ATP2B2: variants seen among roughly 807,000 people sequenced by gnomAD.
The protein encoded by ATP2B2 is plasma membrane calcium-transporting ATPase 2.
Under a neutral mutation model 120.0 loss-of-function variants are expected in ATP2B2, and 15 were observed. The observed-to-expected ratio is 0.12, with a 90% CI of 0.08 to 0.19. The LOEUF is 0.19. Ranked by LOEUF, ATP2B2 falls within the 10% of genes least tolerant of loss-of-function variation. The pLI, the probability that ATP2B2 is intolerant of heterozygous loss-of-function variation, is 1.00. For synonymous variants in ATP2B2, 694 were observed against 700.3 expected (o/e 0.99, Z 0.14); for missense variants, 1,045 against 1,719.8 (o/e 0.61, Z 6.94).
chr3:10,561,588 A>G (rs1466275342), intron 2 of ATP2B2, among the ~76,000 whole-genome samples: 1 of 152,200 alleles, frequency 6.6e-6, no homozygotes, highest in Non-Finnish European at 1.5e-5. Flanking sequence ...CTTGAATTGT[A>G]GCTCCCATAA....
chr3:10,427,531 G>GTCAT (rs1420836104), intron 2 of ATP2B2, among the ~76,000 whole-genome samples: 1 of 152,090 alleles, frequency 6.6e-6, no homozygotes, highest in Non-Finnish European at 1.5e-5. Context: ...CCTAACCTTG[G>GTCAT]TCATTCATTC....
chr3:10,664,673 T>G (rs1048066858), intron 1 of ATP2B2, among the ~76,000 whole-genome samples: 3 of 152,146 alleles, frequency 2.0e-5, no homozygotes, highest in Admixed American at 1.3e-4. Flanking sequence ...GCATTTTTAA[T>G]ATGCGTGTTC....
intron 16 of ATP2B2, among the ~76,000 whole-genome samples, chr3:10,348,458 G>A (rs1559542311): frequency 6.6e-6 from 1 of 152,236 alleles, no homozygotes; most frequent in Non-Finnish European, 1.5e-5. Context: ...TGCAGGCCAT[G>A]ACGGGGTGCT....
chr3:10,466,068 C>A (rs577943989), intron 1 of ATP2B2, among the ~76,000 whole-genome samples: 1 of 152,318 alleles, frequency 6.6e-6, no homozygotes, highest in East Asian at 1.9e-4. Flanking sequence ...GATGCCTAAG[C>A]CCTTTACAGC....
intron 1 of ATP2B2, among the ~76,000 whole-genome samples, chr3:10,681,905 A>G (rs1214580021): frequency 6.6e-6 from 1 of 152,228 alleles, no homozygotes; most frequent in Non-Finnish European, 1.5e-5. Flanking sequence ...TAGAGAATTC[A>G]TGATGTTCAG....
chr3:10,540,580 G>A (rs930827692), intron 2 of ATP2B2, among the ~76,000 whole-genome samples: 8 of 151,998 alleles, frequency 5.3e-5, no homozygotes, highest in African/African-American at 1.4e-4. Context: ...GGACATGGAC[G>A]AAGCTGGAAA....
intron 19 of ATP2B2, among the ~76,000 whole-genome samples, chr3:10,341,063 G>A (rs188827924): frequency 2.0e-5 from 3 of 152,246 alleles, no homozygotes; most frequent in East Asian, 3.9e-4. Context: ...GGATACCTGC[G>A]GGAGGTTTTG....
chr3:10,485,817 T>C (rs1489215298), intron 1 of ATP2B2, among the ~76,000 whole-genome samples: 1 of 152,168 alleles, frequency 6.6e-6, no homozygotes, highest in East Asian at 1.9e-4. Flanking sequence ...CTCAGGGCTG[T>C]CCCTGAGTAA....
chr3:10,613,380 C>T (rs1412953605), intron 2 of ATP2B2, among the ~76,000 whole-genome samples: 2 of 152,108 alleles, frequency 1.3e-5, no homozygotes, highest in East Asian at 3.8e-4. Context: ...GTGGGAACCC[C>T]TGAGTTTGTT....
chr3:10,410,588 G>A, intron 3 of ATP2B2, 30 bp downstream of exon 3: 1 of 1,576,864 alleles, frequency 6.3e-7, no homozygotes, highest in Non-Finnish European at 8.6e-7. Flanking sequence ...AGGTGTGCGG[G>A]GCGGTTCGTG....
At chr3:10,496,705 C>T (rs894183492) in intron 1 of ATP2B2, among the ~76,000 whole-genome samples, 4 of 152,154 alleles carry the variant, frequency 2.6e-5, no homozygotes, top group African/African-American at 7.2e-5. Flanking sequence ...GTGACCTGGA[C>T]ATCAGCAATG....
At chr3:10,373,855 A>G (rs965122543) in intron 11 of ATP2B2, among the ~76,000 whole-genome samples, 1 of 152,150 alleles carries the variant, frequency 6.6e-6, no homozygotes, top group Non-Finnish European at 1.5e-5. Flanking sequence ...GATTACAGGC[A>G]TGAGTCACCA....
rs1443074176 is a variant in ATP2B2 at position 10,375,384 on chromosome 3, G to A, written c.1416+46C>T. On this transcript the variant is annotated intron_variant, in intron 11 of 22. Coordinates refer to ENST00000360273, the MANE Select transcript of ATP2B2 (RefSeq NM_001001331.4). The surrounding 1 kb of genome is among the most constrained non-coding windows in gnomAD (Gnocchi z 4.2). ...CCCCAGTGATTCCCCCAGGCCCTCA[G>A]CTGCAGCTGCATCAGCCGGCTGGTC... 2.6e-6 allele frequency: 4 copies of A among 1,528,998 alleles called. No homozygotes were observed. The highest frequency in any genetic ancestry group is 1.1e-5 in the South Asian group (1 of 89,276). 94.7% of individuals were successfully genotyped at this position (1,528,998 alleles called of 1,614,324 possible).
chr3:10,512,481 C>CAGACACACACACACACAG (rs1559431497), intron 3 of ATP2B2, among the ~76,000 whole-genome samples: 1 of 137,676 alleles, frequency 7.3e-6, no homozygotes, highest in African/African-American at 3.0e-5. Context: ...CACACACACA[C>CAGACACACACACACACAG]ACACACACAC....
intron 1 of ATP2B2, among the ~76,000 whole-genome samples, chr3:10,677,563 A>C (rs1222415780): frequency 6.6e-6 from 1 of 152,182 alleles, no homozygotes; most frequent in Non-Finnish European, 1.5e-5. Flanking sequence ...TGATGTGTCA[A>C]TGTAGGCCCA....
At chr3:10,705,280 A>G (rs1275228459) in intron 1 of ATP2B2, among the ~76,000 whole-genome samples, 1 of 152,204 alleles carries the variant, frequency 6.6e-6, no homozygotes, top group African/African-American at 2.4e-5. Context: ...CTGCTGTTTC[A>G]GACCTAACTC....
At chr3:10,609,521 G>A (rs1278367170) in intron 2 of ATP2B2, among the ~76,000 whole-genome samples, 5 of 152,212 alleles carry the variant, frequency 3.3e-5, no homozygotes, top group Admixed American at 1.3e-4. Flanking sequence ...AGAGGCCATC[G>A]GTGGGGGTTG....
At chr3:10,460,513 C>T (rs944467301) in intron 1 of ATP2B2, among the ~76,000 whole-genome samples, 5 of 152,198 alleles carry the variant, frequency 3.3e-5, no homozygotes, top group Admixed American at 3.3e-4. Context: ...AAAGGTGCAA[C>T]CCCCTTCCAA....
At chr3:10,387,954 G>C (rs2061729766) in intron 6 of ATP2B2, 6 of 384,646 alleles carry the variant, frequency 1.6e-5, no homozygotes, top group South Asian at 8.5e-5. Flanking sequence ...CTGGAGTGAT[G>C]ATGGGACCAA....
Sources: allele counts gnomAD v4.1 joint callset (sites outside exome capture counted in the v4.1 genomes callset), GRCh38; gene constraint gnomAD v4.1.1; non-coding constraint Gnocchi (gnomAD v3.1); transcripts MANE v1.5; gene names NCBI Gene and HGNC (gene_info 2026-07-23, HGNC 2026-07-21).